The following RFTN1 variants were observed in gnomAD, a reference collection of about 807,000 sequenced individuals.
The protein encoded by RFTN1 is raftlin, lipid raft linker 1.
In RFTN1, 26 loss-of-function variants were observed where a neutral mutation model predicts 46.5. The ratio of observed to expected loss-of-function variants is 0.56; its 90% CI spans 0.41 to 0.78. The LOEUF (loss-of-function observed/expected upper bound fraction) is 0.78, where lower values mean the gene tolerates loss of function less well. Among genes scored for constraint, RFTN1 ranks in the 30% least tolerant of loss-of-function variants. RFTN1 has a pLI of 0.00. For synonymous variants in RFTN1, 261 were observed against 284.2 expected (o/e 0.92, Z 0.82); for missense variants, 693 against 718.7 (o/e 0.96, Z 0.41).
chr3:16,377,968 G>T lies in RFTN1; in HGVS notation c.576C>A (p.Asn192Lys). The T allele has an allele frequency of 1.9e-6, 3 of 1,614,204 alleles. No individual in the cohort carries two copies. The highest frequency in any genetic ancestry group is 2.5e-6 in the Non-Finnish European group (3 of 1,180,036). ...NSTEDARDAK[N>K]ARGDHASLEN... ...CCAGTGACGCGTGATCCCCACGTGC[G>T]TTTTTTGCATCTCTGGCATCCTCGG... is the stretch of plus-strand genomic sequence containing the variant. Residue 192 changes from asparagine (N) to lysine (K), a missense_variant, in exon 5 of 10, where the codon AAC (asparagine) becomes AAA (lysine). By Grantham distance (94) the Asn-to-Lys change is moderately conservative (BLOSUM62 0). Coordinates refer to ENST00000334133, the MANE Select transcript of RFTN1 (RefSeq NM_015150.2).
chr3:16,493,536 A>AT lies in RFTN1; in HGVS notation c.145+188dup, dbSNP rs567731840. On this transcript the variant is annotated intron_variant, in intron 2 of 9. Transcript: ENST00000334133. ...GCGTGAACCACTGTGCCCAGACACT[A>AT]TTTTTTAAAAAGTGAGAGATTTCAC... Among the ~76,000 whole-genome samples the AT allele has an allele frequency of 3.3e-5, 5 of 152,180 alleles. No homozygotes were observed. The South Asian group carries it at 1.0e-3, about 32-fold the overall frequency.
At chr3:16,471,182 A>C (rs1173989239) in intron 2 of RFTN1, among the ~76,000 whole-genome samples, 1 of 152,252 alleles carries the variant, frequency 6.6e-6, no homozygotes, top group Non-Finnish European at 1.5e-5. Context: ...TAAATCACAA[A>C]GACAAAAATG....
chr3:16,493,626 G>T, intron 2 of RFTN1, 99 bp downstream of exon 2: 1 of 1,146,538 alleles, frequency 8.7e-7, no homozygotes, highest in Non-Finnish European at 1.2e-6. Context: ...TTTCTTCACA[G>T]CCCCCACCCC....
chr3:16,358,139 TTAA>T, intron 6 of RFTN1, 92 bp from the exon 7 acceptor site: 1 of 725,902 alleles, frequency 1.4e-6, no homozygotes, highest in South Asian at 1.5e-5. Context: ...ACTGCATTCA[TTAA>T]TAATCCCAAT....
chr3:16,492,310 G>A (rs1007146638), intron 2 of RFTN1, among the ~76,000 whole-genome samples: 25 of 152,208 alleles, frequency 1.6e-4, no homozygotes, highest in African/African-American at 5.6e-4. Context: ...AGCAGAAAGA[G>A]TAGTCAAGGA....
chr3:16,364,447 T>C (rs757477949), intron 6 of RFTN1, among the ~76,000 whole-genome samples: 2 of 152,206 alleles, frequency 1.3e-5, no homozygotes, highest in Admixed American at 6.5e-5. Flanking sequence ...GCTACTACTA[T>C]GGTGAAGCAG....
intron 7 of RFTN1, among the ~76,000 whole-genome samples, chr3:16,330,505 G>C (rs1474529931): frequency 1.3e-5 from 2 of 152,196 alleles, no homozygotes; most frequent in Non-Finnish European, 2.9e-5. Context: ...GAGGAGAGAA[G>C]AAAGCACCAA....
Position 16,377,786 on chromosome 3 carries a change from C to A in RFTN1, c.758G>T (p.Gly253Val), listed in dbSNP as rs1323204940. The stretch of plus-strand genomic sequence containing the variant: ...CGGTCCATCCAGTGTCTTGCTCACC[C>A]CCTGTGGTGAAAGTTCTCCACCATC... ...EGDGGELSPQGVSKTLDGPES... is the reference protein window; with the variant it reads ...EGDGGELSPQVVSKTLDGPES... Residue 253 changes from glycine to valine, a missense_variant, in exon 5 of 10, where the codon GGG becomes GTG. Coordinates refer to ENST00000334133, the MANE Select transcript of RFTN1 (RefSeq NM_015150.2). The A allele has an allele frequency of 1.2e-6, 2 of 1,614,158 alleles. No individual in the cohort carries two copies. Among genetic ancestry groups the A allele is most frequent in the Non-Finnish European group, 1.7e-6 (2 of 1,180,008 alleles).
At position 16,341,351 on chromosome 3, in the gene RFTN1, C is replaced by G. The variant is rs1281838450; in HGVS notation, c.1147-14475G>C. Among the ~76,000 whole-genome samples, 1 of 152,242 alleles carries G rather than the reference C, an allele frequency of 6.6e-6. No individual in the cohort carries two copies. The highest frequency in any genetic ancestry group is 1.5e-5 in the Non-Finnish European group (1 of 68,042). ...ACTTTTGTCCACACAGAAACCTACA[C>G]ATGGCTGTTTATAGCAGCTTTATTC... is the stretch of plus-strand genomic sequence containing the variant. On this transcript the variant is annotated intron_variant, in intron 7 of 9. Transcript: ENST00000334133. The surrounding 1 kb of genome is among the most constrained non-coding windows in gnomAD (Gnocchi z 4.7).
rs1367080972 is a variant in RFTN1 at position 16,315,994 on chromosome 3, A to G, written c.*834T>C. The stretch of plus-strand genomic sequence containing the variant: ...AAAGCCTTAATACTTTCTGGACGAT[A>G]TACACATGATAAACACAGCATACAT... On this transcript the variant is annotated 3_prime_UTR_variant, in exon 10 of 10. Transcript: ENST00000334133. 6.6e-6 allele frequency: 1 copy of G among 152,332 alleles called. No individual in the cohort carries two copies. Among genetic ancestry groups the G allele is most frequent in the African/African-American group, 2.4e-5 (1 of 41,462 alleles). The allele number at this position is 152,332 out of a possible 1,614,324, so 9.4% of individuals were successfully genotyped here.
At chr3:16,435,841 C>T (rs2075499517) in intron 2 of RFTN1, among the ~76,000 whole-genome samples, 1 of 151,158 alleles carries the variant, frequency 6.6e-6, no homozygotes, top group Non-Finnish European at 1.5e-5. Flanking sequence ...TGTATCAAAA[C>T]ATCTCATGTA....
At chr3:16,330,258 C>T (rs1177289014) in intron 7 of RFTN1, among the ~76,000 whole-genome samples, 2 of 152,202 alleles carry the variant, frequency 1.3e-5, no homozygotes, top group Non-Finnish European at 2.9e-5. Flanking sequence ...CTGCCAGACT[C>T]TCCCACTCCG....
intron 4 of RFTN1, among the ~76,000 whole-genome samples, chr3:16,398,340 G>A (rs183305579): frequency 2.9e-3 from 446 of 151,256 alleles, no homozygotes; most frequent in Non-Finnish European, 5.2e-3. Flanking sequence ...ACTGGAGAAG[G>A]AAAACTCTTA....
At chr3:16,324,212 G>T (rs1406056379) in intron 8 of RFTN1, among the ~76,000 whole-genome samples, 2 of 151,904 alleles carry the variant, frequency 1.3e-5, no homozygotes, top group Non-Finnish European at 2.9e-5. Flanking sequence ...TTTGATATAT[G>T]TTTACAATGT....
In RFTN1 at chr3:16,413,070, G is replaced by A. The variant is rs960846825; in HGVS notation, c.333-3587C>T. Among the ~76,000 whole-genome samples, 1 of 152,220 alleles carries A rather than the reference G, an allele frequency of 6.6e-6. No individual in the cohort carries two copies. The highest frequency in any genetic ancestry group is 1.5e-5 in the Non-Finnish European group (1 of 68,032). On this transcript the variant is annotated intron_variant, in intron 3 of 9. Coordinates refer to ENST00000334133, the MANE Select transcript of RFTN1 (RefSeq NM_015150.2). The surrounding 1 kb of genome is among the most constrained non-coding windows in gnomAD (Gnocchi z 4.7). ...TACGTACCATTTTGAACCATGAAAT[G>A]TGTTATCATTTATTACAGAGCATAG...
At chr3:16,431,755 G>A (rs1296755992) in intron 3 of RFTN1, among the ~76,000 whole-genome samples, 1 of 152,146 alleles carries the variant, frequency 6.6e-6, no homozygotes, top group Non-Finnish European at 1.5e-5. Context: ...TTTACTTACT[G>A]ACTACTGAGG....
intron 7 of RFTN1, among the ~76,000 whole-genome samples, chr3:16,331,167 C>T (rs1459064595): frequency 6.6e-6 from 1 of 152,174 alleles, no homozygotes; most frequent in Non-Finnish European, 1.5e-5. Context: ...TTGCCTTTCA[C>T]CAATTAGGGT....
At position 16,442,657 on chromosome 3, in the gene RFTN1, G is replaced by T. The variant is rs537442082; in HGVS notation, c.146-8620C>A. ...CGATGTTATTAGCTATAGTCCCCAT[G>T]TTGTACATTAGATCTCTAGATTTAC... On this transcript the variant is annotated intron_variant, in intron 2 of 9. Coordinates refer to ENST00000334133, the MANE Select transcript of RFTN1 (RefSeq NM_015150.2). The surrounding 1 kb of genome is among the most constrained non-coding windows in gnomAD (Gnocchi z 4.1). Among the ~76,000 whole-genome samples, 14 of 152,104 alleles carry T rather than the reference G, an allele frequency of 9.2e-5. No homozygotes were observed. The highest frequency in any genetic ancestry group is 1.5e-4 in the Non-Finnish European group (10 of 68,022).
rs557706354 is a variant in RFTN1, at chr3:16,356,152, T to G, written c.1146+1780A>C. Among the ~76,000 whole-genome samples, 2 of 152,210 alleles carry G rather than the reference T, an allele frequency of 1.3e-5. No homozygotes were observed. Among genetic ancestry groups the G allele is most frequent in the Non-Finnish European group, 2.9e-5 (2 of 68,036 alleles). Reference sequence around the variant, plus strand: ...CCATGTGACCTGCCCAGCTTACAAGTTGAGGAAGGACAGGGTCCTGAGAGG... The same window carrying G: ...CCATGTGACCTGCCCAGCTTACAAGGTGAGGAAGGACAGGGTCCTGAGAGG... On this transcript the variant is annotated intron_variant, in intron 7 of 9. Transcript: ENST00000334133. This position sits in a 1 kb window ranked among gnomAD's most constrained non-coding sequence, Gnocchi z 4.9.
Sources: gnomAD v4.1 joint callset for allele counts (sites outside exome capture counted in the v4.1 genomes callset) on GRCh38, gnomAD v4.1.1 for gene constraint, Gnocchi (gnomAD v3.1) non-coding constraint, MANE v1.5 for transcripts, NCBI Gene and HGNC (gene_info 2026-07-23, HGNC 2026-07-21) for gene names.